The following ZNF569 variants were observed in gnomAD, a reference collection of about 807,000 sequenced individuals.
ZNF569 encodes the protein zinc finger protein 569.
Under a neutral mutation model 56.3 loss-of-function variants are expected in ZNF569, and 38 were observed. The observed-to-expected ratio is 0.68, with a 90% confidence interval of 0.52 to 0.88. The LOEUF is 0.88. ZNF569 is among the 40% of genes least tolerant of loss of function. The pLI is 0.00. For missense variants in ZNF569, 666 were observed against 809.2 expected (o/e 0.82, Z 2.15); for synonymous variants, 241 against 262.9 (o/e 0.92, Z 0.81).
chr19:37,421,246 C>T (rs572269432), intron 5 of ZNF569, among the ~76,000 whole-genome samples: 2 of 152,276 alleles, frequency 1.3e-5, no homozygotes, highest in South Asian at 2.1e-4. Flanking sequence ...AAAGTCACCA[C>T]CTGCATTAGC....
rs1327194966 is a variant in ZNF569, at chr19:37,411,769, T to C, written c.*828A>G. 1.3e-5 allele frequency: 2 copies of C among 152,188 alleles called. No individual in the cohort carries two copies. Among genetic ancestry groups the C allele is most frequent in the African/African-American group, 4.8e-5 (2 of 41,466 alleles). 9.4% of individuals were successfully genotyped at this position (152,188 alleles called of 1,614,324 possible). On this transcript the variant is annotated 3_prime_UTR_variant, in exon 6 of 6. Coordinates refer to ENST00000316950, the MANE Select transcript of ZNF569 (RefSeq NM_152484.3). Reference sequence around the variant, plus strand: ...TTCCATTTATTAAATAAGCCATTCATTCCCCAGTGATTTCAATAGCACTGT... The same window carrying C: ...TTCCATTTATTAAATAAGCCATTCACTCCCCAGTGATTTCAATAGCACTGT...
intron 3 of ZNF569, among the ~76,000 whole-genome samples, chr19:37,443,006 T>C (rs2041431890): frequency 6.6e-6 from 1 of 152,126 alleles, no homozygotes; most frequent in Admixed American, 6.6e-5. Flanking sequence ...ATTTTGAAAA[T>C]TAACTGAGTG....
At chr19:37,433,045 A>AG (rs1482128409) in intron 3 of ZNF569, among the ~76,000 whole-genome samples, 1 of 151,844 alleles carries the variant, frequency 6.6e-6, no homozygotes, top group Non-Finnish European at 1.5e-5. Context: ...CAGGGACCAC[A>AG]GGTGCATGCC....
At chr19:37,422,287 G>C (rs1369269850) in intron 5 of ZNF569, among the ~76,000 whole-genome samples, 5 of 152,140 alleles carry the variant, frequency 3.3e-5, no homozygotes, top group African/African-American at 1.2e-4. Flanking sequence ...AGGGAAGAGA[G>C]AGACCCAGAA....
At chr19:37,434,459 C>T (rs939794601) in intron 3 of ZNF569, among the ~76,000 whole-genome samples, 31 of 152,230 alleles carry the variant, frequency 2.0e-4, no homozygotes, top group African/African-American at 3.9e-4. Context: ...GAGGCCGAGG[C>T]GGGCAGATCA....
chr19:37,443,075 C>T (rs976465518), intron 3 of ZNF569, among the ~76,000 whole-genome samples: 34 of 152,190 alleles, frequency 2.2e-4, no homozygotes, highest in African/African-American at 6.8e-4. Flanking sequence ...CATGGTCGGC[C>T]GGGTGCTGAG....
chr19:37,457,948 G>T (rs562727574), intron 2 of ZNF569, among the ~76,000 whole-genome samples: 1 of 152,102 alleles, frequency 6.6e-6, no homozygotes, highest in African/African-American at 2.4e-5. Context: ...ATGGCTCGCT[G>T]CAGGCTTCAT....
In ZNF569 at chr19:37,464,004, A is replaced by C. The variant is rs2146982584; in HGVS notation, c.-44+1309T>G. Among the ~76,000 whole-genome samples the C allele has an allele frequency of 1.3e-5, 2 of 152,282 alleles. 1 individual carries two copies. The highest frequency in any genetic ancestry group is 4.1e-4 in the South Asian group (2 of 4,826). On this transcript the variant is annotated intron_variant, in intron 2 of 5. Coordinates refer to ENST00000316950, the MANE Select transcript of ZNF569 (RefSeq NM_152484.3). Reference sequence around the variant, plus strand: ...AAAATTTAAAAGTTCATGAAGTAAAAGAGTTACAGTAAGCTGAGGTTAATT... The same window carrying C: ...AAAATTTAAAAGTTCATGAAGTAAACGAGTTACAGTAAGCTGAGGTTAATT...
intron 2 of ZNF569, among the ~76,000 whole-genome samples, chr19:37,464,477 C>T (rs1418929268): frequency 6.6e-6 from 1 of 152,124 alleles, no homozygotes; most frequent in Non-Finnish European, 1.5e-5. Flanking sequence ...CGCGCCTGGC[C>T]CATTTTTAAT....
In ZNF569 at chr19:37,412,886, GT is replaced by G; in HGVS notation, c.1771del (p.Thr591LeufsTer7). 1 of 1,614,052 alleles carries G rather than the reference GT, an allele frequency of 6.2e-7. No homozygotes were observed. The highest frequency in any genetic ancestry group is 1.3e-5 in the African/African-American group (1 of 75,038). Reference protein sequence around the residue: ...NECGKAFSQRTSLIVHMRGHT... With the variant: ...NECGKAFSQRXSLIVHMRGHT... ...GCCTCTCATGTGCACAATAAGGGAA[GT>G]TCTTTGAGAGAAGGCTTTCCCACAT... On this transcript the variant is annotated frameshift_variant, in exon 6 of 6. Transcript: ENST00000316950. LOFTEE classifies it high-confidence loss of function.
intron 5 of ZNF569, among the ~76,000 whole-genome samples, chr19:37,417,735 G>A (rs1298298211): frequency 6.6e-6 from 1 of 152,200 alleles, no homozygotes; most frequent in African/African-American, 2.4e-5. Context: ...AAAGGAAAAT[G>A]ATACTGGGGG....
chr19:37,464,115 G>A (rs773190865), intron 2 of ZNF569, among the ~76,000 whole-genome samples: 6 of 152,012 alleles, frequency 3.9e-5, no homozygotes, highest in Non-Finnish European at 7.4e-5. Context: ...GTACACTAAC[G>A]TCCTAACCCT....
At position 37,413,973 on chromosome 19, in the gene ZNF569, G is replaced by C; in HGVS notation, c.685C>G (p.Leu229Val). The C allele has an allele frequency of 6.2e-7, 1 of 1,613,462 alleles. No individual in the cohort carries two copies. The highest frequency in any genetic ancestry group is 8.5e-7 in the Non-Finnish European group (1 of 1,179,894). Residue 229 changes from leucine (L) to valine (V), a missense_variant, in exon 6 of 6, where the codon CTT becomes GTT. Coordinates refer to ENST00000316950, the MANE Select transcript of ZNF569 (RefSeq NM_152484.3). Reference sequence around the variant, plus strand: ...CTGTGAATTTTATAATGTTTAATAAGTTTTTCCTTGTGACTGAAGGCTTTT... The same window carrying C: ...CTGTGAATTTTATAATGTTTAATAACTTTTTCCTTGTGACTGAAGGCTTTT... ...CRKAFSHKEK[L>V]IKHYKIHSRE...
chr19:37,432,339 G>C (rs1414716218), intron 3 of ZNF569, among the ~76,000 whole-genome samples: 1 of 152,186 alleles, frequency 6.6e-6, no homozygotes, highest in African/African-American at 2.4e-5. Context: ...AAGACTCTGG[G>C]AGAAAGTAAG....
upstream of ZNF569, chr19:37,468,101 T>TA: frequency 1.5e-6 from 1 of 668,444 alleles, no homozygotes; most frequent in Non-Finnish European, 2.5e-6. Flanking sequence ...TTTGTTTTTT[T>TA]TGAGGCAGAG....
chr19:37,418,445 A>G (rs2040973817), intron 5 of ZNF569, among the ~76,000 whole-genome samples: 1 of 152,230 alleles, frequency 6.6e-6, no homozygotes, highest in Non-Finnish European at 1.5e-5. Context: ...ACCAACGAAG[A>G]CAAAGACCAT....
At chr19:37,429,172 G>A (rs1164958761) in intron 3 of ZNF569, among the ~76,000 whole-genome samples, 1 of 152,190 alleles carries the variant, frequency 6.6e-6, no homozygotes, top group East Asian at 1.9e-4. Flanking sequence ...ATGTTTATAT[G>A]ATAATGTTCT....
chr19:37,458,450 T>C (rs1032419296), intron 2 of ZNF569, among the ~76,000 whole-genome samples: 3 of 152,256 alleles, frequency 2.0e-5, no homozygotes, highest in African/African-American at 7.2e-5. Flanking sequence ...ATCTCTTGAT[T>C]GCTGATCATC....
At chr19:37,433,077 A>G (rs970693991) in intron 3 of ZNF569, among the ~76,000 whole-genome samples, 5 of 151,766 alleles carry the variant, frequency 3.3e-5, no homozygotes, top group Admixed American at 2.0e-4. Flanking sequence ...CTAAGTTTTT[A>G]ATGTTTTTGT....
Sources: allele counts gnomAD v4.1 joint callset (sites outside exome capture counted in the v4.1 genomes callset), GRCh38; gene constraint gnomAD v4.1.1; transcripts MANE v1.5; gene names NCBI Gene and HGNC (gene_info 2026-07-23, HGNC 2026-07-21).